MARK2: variants seen among roughly 807,000 people sequenced by gnomAD.
MARK2 encodes the protein microtubule affinity regulating kinase 2, also known as serine/threonine-protein kinase MARK2.
MARK2 carries 16 observed loss-of-function variants against 89.8 expected under a neutral mutation model. The observed-to-expected ratio is 0.18, with a 90% CI of 0.12 to 0.27. The LOEUF (loss-of-function observed/expected upper bound fraction) is 0.27, where lower values mean the gene tolerates loss of function less well. MARK2 is among the 10% of genes least tolerant of loss of function. MARK2 has a pLI of 1.00. For synonymous variants in MARK2, 382 were observed against 399.5 expected, an observed-to-expected ratio of 0.96 and a Z score of 0.52; for missense variants, 621 against 1,049.9, an observed-to-expected ratio of 0.59 and a Z score of 5.65.
Position 63,839,291 on chromosome 11 carries a change from G to C in MARK2, c.-216G>C. On this transcript the variant is annotated 5_prime_UTR_variant, in exon 1 of 19. Coordinates refer to ENST00000402010, the MANE Select transcript of MARK2 (RefSeq NM_001039469.3). ...GGCACAGCCCAGCCGGGGGTCGGGG[G>C]GGTGCGGTCCGGAGCCGCTCGGAGC... The C allele has an allele frequency of 3.0e-6, 1 of 330,662 alleles. No homozygotes were observed. 20.5% of individuals were successfully genotyped at this position (330,662 alleles called of 1,614,324 possible).
At chr11:63,907,825 C>T (rs1185741919) in intron 17 of MARK2, among the ~76,000 whole-genome samples, 1 of 152,256 alleles carries the variant, frequency 6.6e-6, no homozygotes, top group Non-Finnish European at 1.5e-5. Context: ...TCCAAAAGGA[C>T]TGCAGTCCTG....
chr11:63,882,260 C>A (rs1050359697), intron 1 of MARK2, among the ~76,000 whole-genome samples: 2 of 151,412 alleles, frequency 1.3e-5, no homozygotes, highest in Admixed American at 6.6e-5. Flanking sequence ...GCCACCATGC[C>A]CAGCCTGAAA....
chr11:63,859,077 TTTTG>T (rs1307646633), intron 1 of MARK2, among the ~76,000 whole-genome samples: 1 of 152,140 alleles, frequency 6.6e-6, no homozygotes, highest in African/African-American at 2.4e-5. Flanking sequence ...GTTTGTGTTT[TTTTG>T]TTTTTTTTTT....
chr11:63,841,109 C>T (rs2015992017), intron 1 of MARK2, among the ~76,000 whole-genome samples: 1 of 152,126 alleles, frequency 6.6e-6, no homozygotes, highest in Non-Finnish European at 1.5e-5. Context: ...GCCTTCTTTC[C>T]CCTCCTTCCA....
chr11:63,840,699 T>A (rs183372651), intron 1 of MARK2, among the ~76,000 whole-genome samples: 1 of 152,186 alleles, frequency 6.6e-6, no homozygotes, highest in Non-Finnish European at 1.5e-5. Flanking sequence ...TCCGCATTAG[T>A]CTCCTGCCTT....
chr11:63,846,642 G>A (rs1344920647), intron 1 of MARK2, among the ~76,000 whole-genome samples: 8 of 143,036 alleles, frequency 5.6e-5, no homozygotes, highest in East Asian at 2.1e-4. Flanking sequence ...GAGTCACCCC[G>A]CCTGGCCAAA....
chr11:63,876,536 A>G (rs1376126512), intron 1 of MARK2, among the ~76,000 whole-genome samples: 2 of 152,204 alleles, frequency 1.3e-5, no homozygotes, highest in East Asian at 3.8e-4. Context: ...AGCATGAACT[A>G]TGTAGAGCAA....
rs1205432483 is a variant in MARK2 at position 63,910,685 on chromosome 11, C to T, written c.*1448C>T. On this transcript the variant is annotated 3_prime_UTR_variant, in exon 19 of 19. Transcript: ENST00000402010. Reference sequence around the variant, plus strand: ...TTTTTTTGATTTATGATGACTCCACCCCTCTTCATCACCCCCGCTCCCAGG... The same window carrying T: ...TTTTTTTGATTTATGATGACTCCACTCCTCTTCATCACCCCCGCTCCCAGG... 6.7e-6 allele frequency: 1 copy of T among 150,116 alleles called. No homozygotes were observed. The highest frequency in any genetic ancestry group is 2.5e-5 in the African/African-American group (1 of 40,764). 9.3% of individuals were successfully genotyped at this position (150,116 alleles called of 1,614,324 possible).
At chr11:63,883,064 T>C (rs1214190470) in intron 1 of MARK2, among the ~76,000 whole-genome samples, 1 of 152,154 alleles carries the variant, frequency 6.6e-6, no homozygotes, top group Non-Finnish European at 1.5e-5. Flanking sequence ...GGTAACCCAC[T>C]GGTATGGGAG....
At position 63,900,246 on chromosome 11, in the gene MARK2, G is replaced by GC; in HGVS notation, c.768+137dup. ...CAGAGAAGGGCTTGCTGAGGTAGCA[G>GC]CAGTCAAAGGCCTTCTGCACCTGGG... On this transcript the variant is annotated intron_variant, in intron 8 of 18. Coordinates refer to ENST00000402010, the MANE Select transcript of MARK2 (RefSeq NM_001039469.3). This position sits in a 1 kb window ranked among gnomAD's most constrained non-coding sequence, Gnocchi z 4.7. 2.8e-6 allele frequency: 2 copies of GC among 727,268 alleles called. No homozygotes were observed. Among genetic ancestry groups the GC allele is most frequent in the Non-Finnish European group, 4.8e-6 (2 of 418,728 alleles). 45.1% of individuals were successfully genotyped at this position (727,268 alleles called of 1,614,324 possible). A position where few individuals can be genotyped will look rare whatever the true frequency, so the allele number is the denominator to read the frequency against.
At position 63,839,576 on chromosome 11, in the gene MARK2, G is replaced by A; in HGVS notation, c.54+16G>A. ...CACGGAGCAGGTAAGGAGCCCCGAGGGCTCCCCGAATTCTCTGGCTGGGCC... is the reference window on the plus strand; with the variant it reads ...CACGGAGCAGGTAAGGAGCCCCGAGAGCTCCCCGAATTCTCTGGCTGGGCC... On this transcript the variant is annotated intron_variant, in intron 1 of 18. Transcript: ENST00000402010. 2 of 1,512,980 alleles carry A rather than the reference G, an allele frequency of 1.3e-6. No homozygotes were observed. The highest frequency in any genetic ancestry group is 1.8e-6 in the Non-Finnish European group (2 of 1,121,140). The allele number at this position is 1,512,980 out of a possible 1,614,324, so 93.7% of individuals were successfully genotyped here. A position where few individuals can be genotyped will look rare whatever the true frequency, so the allele number is the denominator to read the frequency against.
intron 11 of MARK2, 41 bp downstream of exon 11, chr11:63,901,110 A>C: frequency 1.6e-5 from 21 of 1,341,022 alleles, no homozygotes; most frequent in Non-Finnish European, 1.9e-5. Flanking sequence ...GGCCAGCCTC[A>C]CTGTCTGTAG....
chr11:63,839,693 T>TGGCTCC, intron 1 of MARK2, 133 bp downstream of exon 1: 1 of 654,612 alleles, frequency 1.5e-6, no homozygotes. Flanking sequence ...ATCCGGCTCC[T>TGGCTCC]GGCTCCGGCT....
At chr11:63,856,633 A>G (rs2016864788) in intron 1 of MARK2, among the ~76,000 whole-genome samples, 1 of 151,764 alleles carries the variant, frequency 6.6e-6, no homozygotes, top group Non-Finnish European at 1.5e-5. Context: ...CATGTTGGCC[A>G]GGCTGGTCTC....
chr11:63,839,956 A>G (rs937362382), intron 1 of MARK2, among the ~76,000 whole-genome samples: 1 of 150,372 alleles, frequency 6.7e-6, no homozygotes, highest in African/African-American at 2.5e-5. Context: ...ATCGTTGTCC[A>G]CCTCTCCCTT....
chr11:63,873,643 TA>T (rs1422591962), intron 1 of MARK2, among the ~76,000 whole-genome samples: 1 of 152,098 alleles, frequency 6.6e-6, no homozygotes, highest in East Asian at 1.9e-4. Flanking sequence ...GAGGATTGTT[TA>T]TTTTATTTTA....
rs1941141499 is a variant in MARK2, at chr11:63,904,232, G to A, written c.1676+85G>A. 4.1e-6 allele frequency: 5 copies of A among 1,233,522 alleles called. No individual in the cohort carries two copies. The highest frequency in any genetic ancestry group is 2.8e-5 in the Admixed American group (1 of 35,114). 76.4% of individuals were successfully genotyped at this position (1,233,522 alleles called of 1,614,324 possible). A position where few individuals can be genotyped will look rare whatever the true frequency, so the allele number is the denominator to read the frequency against. ...CCAACAATTTCTTCTTCCCACTTGG[G>A]GGTCCTGCTGTGTTCTTGTCATCTT... On this transcript the variant is annotated intron_variant, in intron 15 of 18. Coordinates refer to ENST00000402010, the MANE Select transcript of MARK2 (RefSeq NM_001039469.3). The surrounding 1 kb of genome is among the most constrained non-coding windows in gnomAD (Gnocchi z 6.3).
At chr11:63,856,375 TC>T (rs1437457375) in intron 1 of MARK2, among the ~76,000 whole-genome samples, 2 of 151,006 alleles carry the variant, frequency 1.3e-5, no homozygotes, top group Non-Finnish European at 3.0e-5. Flanking sequence ...TCCCCTTTTT[TC>T]TTTATTTCTT....
intron 1 of MARK2, among the ~76,000 whole-genome samples, chr11:63,893,951 A>G (rs1238261576): frequency 6.6e-6 from 1 of 152,224 alleles, no homozygotes. Flanking sequence ...ATCCAAAACA[A>G]TTTAAAATCT....
Sources: gnomAD v4.1 joint callset for allele counts (sites outside exome capture counted in the v4.1 genomes callset) on GRCh38, gnomAD v4.1.1 for gene constraint, Gnocchi (gnomAD v3.1) non-coding constraint, MANE v1.5 for transcripts, NCBI Gene and HGNC (gene_info 2026-07-23, HGNC 2026-07-21) for gene names.